Variants in RPTOR observed in about 807,000 individuals in gnomAD.
The protein encoded by RPTOR is regulatory associated protein of MTOR complex 1, also known as regulatory-associated protein of mTOR.
RPTOR carries 21 observed loss-of-function variants against 169.9 expected under a neutral mutation model. The observed-to-expected ratio is 0.12, with a 90% CI of 0.09 to 0.18. The LOEUF (loss-of-function observed/expected upper bound fraction) is 0.18. Ranked by LOEUF, RPTOR falls within the 10% of genes least tolerant of loss-of-function variation. RPTOR has a pLI of 1.00. For synonymous variants in RPTOR, 732 were observed against 753.2 expected (o/e 0.97, Z 0.46); for missense variants, 1,133 against 1,855.9 (o/e 0.61, Z 7.16).
rs146865997 is a variant in RPTOR at position 80,741,399 on chromosome 17, G to T, written c.654+10693G>T. Among the ~76,000 whole-genome samples, 587 of 152,320 alleles carry T rather than the reference G, an allele frequency of 3.9e-3. 6 individuals carry two copies. Among genetic ancestry groups the T allele is most frequent in the African/African-American group, 0.014 (569 of 41,558 alleles). The stretch of plus-strand genomic sequence containing the variant: ...GGTGGTAGATGTTGGCAAGGCAATT[G>T]TTTGCATCTGGGGTTCGTTGTGAAG... On this transcript the variant is annotated intron_variant, in intron 5 of 33. Transcript: ENST00000306801.
intron 19 of RPTOR, among the ~76,000 whole-genome samples, chr17:80,893,123 C>T (rs1038087322): frequency 5.9e-5 from 9 of 152,244 alleles, no homozygotes; most frequent in Non-Finnish European, 8.8e-5. Context: ...GCAGTTGAGG[C>T]GGTGGCTCCT....
At chr17:80,679,949 G>C (rs1350892966) in intron 3 of RPTOR, among the ~76,000 whole-genome samples, 2 of 152,188 alleles carry the variant, frequency 1.3e-5, no homozygotes, top group Non-Finnish European at 2.9e-5. Context: ...GGAGCCCCAT[G>C]GTCCCTGTCC....
chr17:80,841,503 C>T (rs566904935), intron 10 of RPTOR, among the ~76,000 whole-genome samples: 1,866 of 105,806 alleles, frequency 0.018, 189 homozygotes, highest in African/African-American at 0.082. Context: ...TCTCACCACA[C>T]GGCAGCTCAC....
chr17:80,626,286 C>A (rs1363595889), intron 2 of RPTOR, among the ~76,000 whole-genome samples: 1 of 151,996 alleles, frequency 6.6e-6, no homozygotes, highest in Non-Finnish European at 1.5e-5. Context: ...CTCCTGACCT[C>A]GTGATCCGCC....
intron 33 of RPTOR, among the ~76,000 whole-genome samples, chr17:80,964,047 C>T (rs991981392): frequency 1.2e-4 from 18 of 152,296 alleles, no homozygotes; most frequent in African/African-American, 3.9e-4. Flanking sequence ...ACGCAGGGCC[C>T]GGGGCAGCGC....
At chr17:80,673,277 T>G (rs1273919498) in intron 3 of RPTOR, among the ~76,000 whole-genome samples, 2 of 152,140 alleles carry the variant, frequency 1.3e-5, no homozygotes, top group Admixed American at 1.3e-4. Context: ...TTTTAAAGAT[T>G]AGGAAACAAA....
intron 1 of RPTOR, among the ~76,000 whole-genome samples, chr17:80,614,480 T>G (rs761520647): frequency 6.6e-6 from 1 of 152,270 alleles, no homozygotes; most frequent in Non-Finnish European, 1.5e-5. Flanking sequence ...GCTTCTGCGT[T>G]GCCTTTGCAG....
intron 1 of RPTOR, among the ~76,000 whole-genome samples, chr17:80,605,399 CAG>C (rs2065221342): frequency 6.6e-6 from 1 of 152,102 alleles, no homozygotes; most frequent in African/African-American, 2.4e-5. Flanking sequence ...TGGTGGGTGA[CAG>C]AGCAGGTGAT....
chr17:80,717,674 G>A (rs937032654), intron 4 of RPTOR, among the ~76,000 whole-genome samples: 9 of 152,126 alleles, frequency 5.9e-5, no homozygotes, highest in African/African-American at 2.2e-4. Flanking sequence ...ATACACTGTC[G>A]GTACACAATG....
At chr17:80,799,234 C>T (rs776295784) in intron 7 of RPTOR, among the ~76,000 whole-genome samples, 5 of 152,190 alleles carry the variant, frequency 3.3e-5, no homozygotes, top group Non-Finnish European at 5.9e-5. Flanking sequence ...ATTTCATTTA[C>T]GTTTTAGCAG....
At chr17:80,773,927 G>C in intron 6 of RPTOR, 6 of 983,826 alleles carry the variant, frequency 6.1e-6, no homozygotes, top group Non-Finnish European at 7.2e-6. Flanking sequence ...GGACACGCAG[G>C]GCTATGCGGC....
chr17:80,670,913 G>A (rs1047960426), intron 3 of RPTOR, among the ~76,000 whole-genome samples: 2 of 152,024 alleles, frequency 1.3e-5, no homozygotes, highest in Non-Finnish European at 2.9e-5. Flanking sequence ...GCACACGCTC[G>A]TCCTTGTTAC....
At chr17:80,838,967 G>T (rs772494727) in intron 10 of RPTOR, among the ~76,000 whole-genome samples, 1 of 152,224 alleles carries the variant, frequency 6.6e-6, no homozygotes, top group South Asian at 2.1e-4. Flanking sequence ...TCATGTGCAG[G>T]CACTGCCCCA....
intron 2 of RPTOR, 78 bp from the exon 3 acceptor site, chr17:80,643,650 G>T: frequency 9.4e-7 from 1 of 1,067,394 alleles, no homozygotes; most frequent in South Asian, 1.4e-5. Flanking sequence ...GTTATATAAG[G>T]AGAAACTGTG....
At chr17:80,942,224 C>T (rs148193910) in intron 25 of RPTOR, among the ~76,000 whole-genome samples, 410 of 151,766 alleles carry the variant, frequency 2.7e-3, no homozygotes, top group African/African-American at 9.2e-3. Flanking sequence ...CTGGGATGGC[C>T]AGCACACGGG....
chr17:80,956,351 T>A (rs1477177840), intron 28 of RPTOR, among the ~76,000 whole-genome samples: 1 of 152,264 alleles, frequency 6.6e-6, no homozygotes, highest in Non-Finnish European at 1.5e-5. Context: ...TAGAACTGAA[T>A]CTGGTTTTAA....
In RPTOR at chr17:80,790,377, A is replaced by G. The variant is rs1158435551; in HGVS notation, c.831-1073A>G. Among the ~76,000 whole-genome samples the G allele has an allele frequency of 2.0e-5, 3 of 152,198 alleles. No individual in the cohort carries two copies. In the East Asian group the frequency reaches 5.8e-4, roughly 29 times the overall value. On this transcript the variant is annotated intron_variant, in intron 6 of 33. Transcript: ENST00000306801. ...GAGTGAGTGTGGCTGGCAGCCATGCATGGGGTCCAGGATGACCAGCTCAGC... is the reference window on the plus strand; with the variant it reads ...GAGTGAGTGTGGCTGGCAGCCATGCGTGGGGTCCAGGATGACCAGCTCAGC...
chr17:80,844,035 G>A lies in RPTOR; in HGVS notation c.1213-2438G>A, dbSNP rs375505954. ...CTCTCTGTCTCGCTGAATGGACTTC[G>A]CTCCCCTGCACGCAGGGGCCAGCTC... On this transcript the variant is annotated intron_variant, in intron 10 of 33. Transcript: ENST00000306801. This position sits in a 1 kb window ranked among gnomAD's most constrained non-coding sequence, Gnocchi z 4.7. Among the ~76,000 whole-genome samples the A allele has an allele frequency of 6.6e-6, 1 of 152,092 alleles. No individual in the cohort carries two copies. The highest frequency in any genetic ancestry group is 1.5e-5 in the Non-Finnish European group (1 of 68,008).
At chr17:80,922,868 C>A in intron 22 of RPTOR, 41 bp downstream of exon 22, 1 of 1,511,826 alleles carries the variant, frequency 6.6e-7, no homozygotes, top group Non-Finnish European at 8.9e-7. Flanking sequence ...GTGGTGGTGA[C>A]CGGGGCCCCA....
Sources: allele counts gnomAD v4.1 joint callset (sites outside exome capture counted in the v4.1 genomes callset), GRCh38; gene constraint gnomAD v4.1.1; non-coding constraint Gnocchi (gnomAD v3.1); transcripts MANE v1.5; gene names NCBI Gene and HGNC (gene_info 2026-07-23, HGNC 2026-07-21).